PIGS: variants seen among roughly 807,000 people sequenced by gnomAD.
PIGS encodes the protein GPI-anchor transamidase component PIGS.
PIGS carries 37 observed loss-of-function variants against 58.2 expected under a neutral mutation model. The observed-to-expected ratio is 0.64, with a 90% CI of 0.49 to 0.84. The LOEUF (loss-of-function observed/expected upper bound fraction) is 0.84, where lower values mean the gene tolerates loss of function less well. Among genes scored for constraint, PIGS ranks in the 40% least tolerant of loss-of-function variants. The pLI is 0.00. For missense variants in PIGS, 629 were observed against 710.8 expected, an observed-to-expected ratio of 0.88 and a Z score of 1.31; for synonymous variants, 269 against 289.2, an observed-to-expected ratio of 0.93 and a Z score of 0.71.
At position 28,555,079 on chromosome 17, in the gene PIGS, T is replaced by C; in HGVS notation, c.1182-18A>G. The C allele has an allele frequency of 6.2e-7, 1 of 1,600,940 alleles. No individual in the cohort carries two copies. Among genetic ancestry groups the C allele is most frequent in the East Asian group, 2.2e-5 (1 of 44,482 alleles). On this transcript the variant is annotated intron_variant, in intron 10 of 11. Coordinates refer to ENST00000308360, the MANE Select transcript of PIGS (RefSeq NM_033198.4). Reference sequence around the variant, plus strand: ...AGAGCAACCTGTAGGAACATCGGAGTAAGATCAAGGTGGCTGAGACCACAA... The same window carrying C: ...AGAGCAACCTGTAGGAACATCGGAGCAAGATCAAGGTGGCTGAGACCACAA...
intron 6 of PIGS, among the ~76,000 whole-genome samples, chr17:28,561,028 C>A (rs1162177391): frequency 1.3e-5 from 2 of 151,946 alleles, no homozygotes; most frequent in South Asian, 2.1e-4. Flanking sequence ...GAAGCCGAGG[C>A]GGGCAGATCA....
rs1188515855 is a variant in PIGS, at chr17:28,570,863, ATC to A, written c.273_274del (p.Glu91AspfsTer24). On this transcript the variant is annotated frameshift_variant, in exon 3 of 12. Transcript: ENST00000308360. LOFTEE classifies it high-confidence loss of function. The stretch of plus-strand genomic sequence containing the variant: ...CCCCAGTAACTCACATTTCAGAGGA[ATC>A]TCTCTTTCATGCACAACGGTGAAGG... 3.1e-6 allele frequency: 5 copies of A among 1,614,042 alleles called. No homozygotes were observed. Among genetic ancestry groups the A allele is most frequent in the East Asian group, 2.2e-5 (1 of 44,896 alleles).
chr17:28,571,129 G>A lies in PIGS; in HGVS notation c.94C>T (p.Leu32=). Residue 32 remains leucine, a synonymous_variant, in exon 2 of 12, where the codon CTA becomes TTA. Transcript: ENST00000308360. ...TCCGTGGTCTTCCACCAGAGCGGTAGCCCCAGCACGATGGCCACCGCAGCG... is the reference window on the plus strand; with the variant it reads ...TCCGTGGTCTTCCACCAGAGCGGTAACCCCAGCACGATGGCCACCGCAGCG... ...FFAAVAIVLG[L]PLWWKTTETY... The A allele has an allele frequency of 6.2e-7, 1 of 1,613,944 alleles. No homozygotes were observed. The highest frequency in any genetic ancestry group is 8.5e-7 in the Non-Finnish European group (1 of 1,180,040).
chr17:28,556,460 C>T, intron 9 of PIGS, 194 bp from the exon 10 acceptor site: 1 of 708,870 alleles, frequency 1.4e-6, no homozygotes, highest in Non-Finnish European at 2.6e-6. Flanking sequence ...CCTTGAAAGT[C>T]CTGTAGAACA....
chr17:28,571,368 G>C, intron 1 of PIGS, 95 bp downstream of exon 1: 1 of 1,550,772 alleles, frequency 6.4e-7, no homozygotes, highest in African/African-American at 1.4e-5. Context: ...CGAGCCCCCC[G>C]TCCGCGGGAC....
rs201076533 is a variant in PIGS, at chr17:28,554,838, C to A, written c.1392+13G>T. The A allele has an allele frequency of 3.1e-6, 5 of 1,614,014 alleles. No homozygotes were observed. The East Asian group carries it at 8.9e-5, about 29-fold the overall frequency. Reference sequence around the variant, plus strand: ...CAGTCCCAAGCTGCAGAATCCATCCCCTGCCTGCTTACCTCAGATGCCACG... The same window carrying A: ...CAGTCCCAAGCTGCAGAATCCATCCACTGCCTGCTTACCTCAGATGCCACG... On this transcript the variant is annotated intron_variant, in intron 11 of 11. Coordinates refer to ENST00000308360, the MANE Select transcript of PIGS (RefSeq NM_033198.4).
In PIGS at chr17:28,561,508, T is replaced by A. The variant is rs1387381189; in HGVS notation, c.590A>T (p.Glu197Val). 1.2e-6 allele frequency: 2 copies of A among 1,614,050 alleles called. No homozygotes were observed. The highest frequency in any genetic ancestry group is 3.3e-5 in the Admixed American group (2 of 60,008). The stretch of plus-strand genomic sequence containing the variant: ...AGCCAGAGCAGCAGCAAGCACATCC[T>A]CAGTCAAAGACATGGCCTGGGCCAC... ...VQVAQAMSLT[E>V]DVLAAALADH... Residue 197 changes from glutamate (E) to valine (V), a missense_variant, in exon 6 of 12, where the codon GAG becomes GTG. Coordinates refer to ENST00000308360, the MANE Select transcript of PIGS (RefSeq NM_033198.4).
intron 5 of PIGS, 101 bp downstream of exon 5, chr17:28,563,330 G>T: frequency 1.9e-6 from 2 of 1,061,672 alleles, no homozygotes; most frequent in Non-Finnish European, 2.8e-6. Flanking sequence ...GTTTTCTGTA[G>T]CAAATGGAAG....
intron 6 of PIGS, among the ~76,000 whole-genome samples, chr17:28,561,085 G>A (rs1443167509): frequency 1.3e-5 from 2 of 151,978 alleles, no homozygotes; most frequent in Non-Finnish European, 2.9e-5. Context: ...GTGAAACCCC[G>A]TCTCTACTAA....
rs777927173 is a variant in PIGS at position 28,554,327 on chromosome 17, T to C, written c.1561A>G (p.Ile521Val). Reference protein sequence around the residue: ...LYFPDDQKFAIYIPLFLPMAV... With the variant: ...LYFPDDQKFAVYIPLFLPMAV... Reference sequence around the variant, plus strand: ...ATAGGCAGGAAGAGTGGGATGTAGATGGCAAACTTCTGGTCATCAGGGAAA... The same window carrying C: ...ATAGGCAGGAAGAGTGGGATGTAGACGGCAAACTTCTGGTCATCAGGGAAA... The change falls in exon 12 of 12, where the codon ATC becomes GTC. Residue 521 changes from isoleucine to valine, a missense_variant. By Grantham distance (29) the Ile-to-Val change is conservative (BLOSUM62 3). Coordinates refer to ENST00000308360, the MANE Select transcript of PIGS (RefSeq NM_033198.4). The C allele has an allele frequency of 8.7e-6, 14 of 1,613,956 alleles. No homozygotes were observed. The highest frequency in any genetic ancestry group is 1.3e-5 in the African/African-American group (1 of 74,886).
rs889781227 is a variant in PIGS, at chr17:28,563,759, G to C, written c.376+59C>G. 27 of 1,509,352 alleles carry C rather than the reference G, an allele frequency of 1.8e-5. No individual in the cohort carries two copies. In the African/African-American group the frequency reaches 3.6e-4, roughly 20 times the overall value. 93.5% of individuals were successfully genotyped at this position (1,509,352 alleles called of 1,614,324 possible). A position where few individuals can be genotyped will look rare whatever the true frequency, so the allele number is the denominator to read the frequency against. ...CCAAAGCATGGGAACTATGCACTTA[G>C]AGATCAGAAGGAAAAAGAGGGCTTC... On this transcript the variant is annotated intron_variant, in intron 4 of 11. Transcript: ENST00000308360.
At chr17:28,560,709 C>T (rs765166149) in intron 6 of PIGS, among the ~76,000 whole-genome samples, 2 of 151,980 alleles carry the variant, frequency 1.3e-5, no homozygotes, top group African/African-American at 2.4e-5. Context: ...ACCTGGGATG[C>T]GGAGGTTGCA....
chr17:28,571,412 C>T (rs1259543615), intron 1 of PIGS, 51 bp downstream of exon 1: 4 of 1,599,874 alleles, frequency 2.5e-6, no homozygotes, highest in Non-Finnish European at 3.4e-6. Flanking sequence ...CCCTGCTATT[C>T]CTCCCTTGCC....
At position 28,554,317 on chromosome 17, in the gene PIGS, G is replaced by T. The variant is rs758479439; in HGVS notation, c.1571C>A (p.Pro524Gln). 6.2e-7 allele frequency: 1 copy of T among 1,614,162 alleles called. No individual in the cohort carries two copies. The highest frequency in any genetic ancestry group is 8.5e-7 in the Non-Finnish European group (1 of 1,180,024). The change falls in exon 12 of 12, where the codon CCA becomes CAA. Residue 524 changes from proline to glutamine, a missense_variant. Physicochemically the swap from Pro to Gln is moderately conservative, Grantham distance 76 (BLOSUM62 -1). Coordinates refer to ENST00000308360, the MANE Select transcript of PIGS (RefSeq NM_033198.4). The stretch of plus-strand genomic sequence containing the variant: ...GGGCACAGCCATAGGCAGGAAGAGT[G>T]GGATGTAGATGGCAAACTTCTGGTC... ...PDDQKFAIYI[P>Q]LFLPMAVPIL...
At chr17:28,560,360 G>C in intron 6 of PIGS, 169 bp from the exon 7 acceptor site, 1 of 729,512 alleles carries the variant, frequency 1.4e-6, no homozygotes, top group Non-Finnish European at 2.2e-6. Flanking sequence ...GTAAGAAAAA[G>C]CTGCCGGGCG....
rs748513287 is a variant in PIGS, at chr17:28,556,489, T to C, written c.1081-223A>G. ...TAGAACATATTTTTTTCTTATCCCA[T>C]TTTAGAATTCTCCCCCATGAGAAAC... On this transcript the variant is annotated intron_variant, in intron 9 of 11. Transcript: ENST00000308360. 6.9e-6 allele frequency: 5 copies of C among 723,904 alleles called. No individual in the cohort carries two copies. In the African/African-American group the frequency reaches 8.6e-5, roughly 12 times the overall value. The allele number at this position is 723,904 out of a possible 1,614,324, so 44.8% of individuals were successfully genotyped here.
intron 3 of PIGS, among the ~76,000 whole-genome samples, chr17:28,565,290 G>A (rs1332811474): frequency 6.6e-6 from 1 of 151,986 alleles, no homozygotes; most frequent in Non-Finnish European, 1.5e-5. Context: ...AGGAATAAAT[G>A]TATAAAACTA....
chr17:28,565,245 C>T (rs1006836411), intron 3 of PIGS, among the ~76,000 whole-genome samples: 1 of 152,078 alleles, frequency 6.6e-6, no homozygotes, highest in Non-Finnish European at 1.5e-5. Flanking sequence ...CTTTTAAAAC[C>T]TCAATCACAT....
chr17:28,561,673 GA>G (rs1253159630), intron 5 of PIGS, 44 bp from the exon 6 acceptor site: 2 of 1,561,834 alleles, frequency 1.3e-6, no homozygotes, highest in African/African-American at 2.7e-5. Context: ...GCTCAGAAAA[GA>G]AAGCCAAAAA....
Sources: allele counts gnomAD v4.1 joint callset (sites outside exome capture counted in the v4.1 genomes callset), GRCh38; gene constraint gnomAD v4.1.1; transcripts MANE v1.5; gene names NCBI Gene and HGNC (gene_info 2026-07-23, HGNC 2026-07-21).